AUTS2: variants seen among roughly 807,000 people sequenced by gnomAD.
The protein encoded by AUTS2 is autism susceptibility gene 2 protein.
In AUTS2, 17 loss-of-function variants were observed where a neutral mutation model predicts 112.4. That is an observed-to-expected ratio of 0.15 (90% CI 0.10 to 0.23). The LOEUF (loss-of-function observed/expected upper bound fraction) is 0.23. Among genes scored for constraint, AUTS2 ranks in the 10% least tolerant of loss-of-function variants. The probability of loss-of-function intolerance (pLI) is 1.00; values close to 1 mark genes in which losing one functional copy is unlikely to be tolerated. For synonymous variants in AUTS2, 751 were observed against 702.7 expected, an observed-to-expected ratio of 1.07 and a Z score of -1.09; for missense variants, 1,510 against 1,701.6, an observed-to-expected ratio of 0.89 and a Z score of 1.98.
intron 4 of AUTS2, among the ~76,000 whole-genome samples, chr7:70,277,113 T>C (rs958910196): frequency 2.0e-5 from 3 of 152,170 alleles, no homozygotes; most frequent in Non-Finnish European, 4.4e-5. Context: ...GTAGGTCACA[T>C]TGAAGAGTTT....
chr7:69,640,212 G>A (rs1051929736), intron 1 of AUTS2, among the ~76,000 whole-genome samples: 5 of 151,054 alleles, frequency 3.3e-5, no homozygotes, highest in African/African-American at 1.2e-4. Flanking sequence ...CTGTGATCAG[G>A]CTGCTAGCAA....
chr7:69,600,053 GCTGTCTGTCTGTCTGT>G lies in AUTS2; in HGVS notation c.309+110_309+125del, dbSNP rs113411804. ...TCCTGCCTCCCTCGCCGCGCTCCGG[GCTGTCTGTCTGTCTGT>G]CTGTCTGTCTGTCTGTCTAGGCTGA... On this transcript the variant is annotated intron_variant, in intron 1 of 18. Coordinates refer to ENST00000342771, the MANE Select transcript of AUTS2 (RefSeq NM_015570.4). 1.6e-5 allele frequency: 20 copies of G among 1,259,502 alleles called. No homozygotes were observed. The Middle Eastern group carries it at 6.3e-4, about 40-fold the overall frequency. 78.0% of individuals were successfully genotyped at this position (1,259,502 alleles called of 1,614,324 possible). A position where few individuals can be genotyped will look rare whatever the true frequency, so the allele number is the denominator to read the frequency against.
chr7:70,401,717 G>C, intron 4 of AUTS2, among the ~76,000 whole-genome samples: 1 of 152,166 alleles, frequency 6.6e-6, no homozygotes. Context: ...TCTGCTTCAA[G>C]GCCAAGGCAT....
intron 5 of AUTS2, among the ~76,000 whole-genome samples, chr7:70,671,963 G>A (rs1807667602): frequency 1.3e-5 from 2 of 152,220 alleles, no homozygotes; most frequent in Admixed American, 6.5e-5. Flanking sequence ...CCGTGGCAGT[G>A]AGAGTGGAAG....
intron 2 of AUTS2, among the ~76,000 whole-genome samples, chr7:69,925,279 G>A (rs180882679): frequency 2.5e-4 from 38 of 151,918 alleles, no homozygotes; most frequent in African/African-American, 8.4e-4. Flanking sequence ...CCTTCTTTCT[G>A]CTTACTTTAG....
rs188329295 is a variant in AUTS2, at chr7:70,545,350, C to T, written c.690+109569C>T. 3.3e-5 allele frequency among the ~76,000 whole-genome samples: 5 copies of T among 152,310 alleles called. No individual in the cohort carries two copies. The East Asian group carries it at 9.7e-4, about 29-fold the overall frequency. On this transcript the variant is annotated intron_variant, in intron 5 of 18. Coordinates refer to ENST00000342771, the MANE Select transcript of AUTS2 (RefSeq NM_015570.4). ...AAGGACAGAGGACCCTTTAGGGTTC[C>T]ATCTCTTCGGAGAGAAAGTCCCTGC...
chr7:69,624,810 A>G (rs1793865269), intron 1 of AUTS2, among the ~76,000 whole-genome samples: 1 of 152,186 alleles, frequency 6.6e-6, no homozygotes, highest in Non-Finnish European at 1.5e-5. Flanking sequence ...GTTTTGTTTC[A>G]GTACATTGAT....
At chr7:69,877,300 A>G (rs1163924468) in intron 1 of AUTS2, among the ~76,000 whole-genome samples, 1 of 152,166 alleles carries the variant, frequency 6.6e-6, no homozygotes. Context: ...CCTAGTCTAA[A>G]CCAAAAGTCT....
chr7:70,085,254 T>C (rs1394977088), intron 2 of AUTS2, among the ~76,000 whole-genome samples: 1 of 152,234 alleles, frequency 6.6e-6, no homozygotes, highest in Non-Finnish European at 1.5e-5. Flanking sequence ...TTTTCCCTTA[T>C]GCCTTGCTCT....
At chr7:70,644,427 A>T (rs1806035535) in intron 5 of AUTS2, among the ~76,000 whole-genome samples, 1 of 151,568 alleles carries the variant, frequency 6.6e-6, no homozygotes, top group African/African-American at 2.4e-5. Context: ...CACAGTCCCG[A>T]CTCTATCACT....
intron 1 of AUTS2, among the ~76,000 whole-genome samples, chr7:69,647,883 T>A (rs1227103965): frequency 6.6e-6 from 1 of 152,236 alleles, no homozygotes; most frequent in East Asian, 1.9e-4. Context: ...TTTGGCATTC[T>A]TTGGCTTGCA....
At chr7:70,739,292 A>G (rs986201561) in intron 6 of AUTS2, among the ~76,000 whole-genome samples, 1 of 150,198 alleles carries the variant, frequency 6.7e-6, no homozygotes, top group African/African-American at 2.4e-5. Flanking sequence ...TCTCCCGAGT[A>G]GCTTGGACTA....
chr7:70,734,267 G>A (rs1019999076), intron 6 of AUTS2, among the ~76,000 whole-genome samples: 6 of 151,772 alleles, frequency 4.0e-5, no homozygotes, highest in Admixed American at 6.6e-5. Flanking sequence ...GTGAAACCCC[G>A]TCTCTAGTAA....
chr7:70,417,500 G>A (rs945004639), intron 4 of AUTS2, among the ~76,000 whole-genome samples: 6 of 152,268 alleles, frequency 3.9e-5, no homozygotes, highest in East Asian at 1.9e-4. Context: ...CACACTTGTC[G>A]TCTTGCAGTG....
At chr7:69,836,094 G>T (rs917171158) in intron 1 of AUTS2, among the ~76,000 whole-genome samples, 5 of 152,196 alleles carry the variant, frequency 3.3e-5, no homozygotes, top group Non-Finnish European at 7.3e-5. Flanking sequence ...AAATGTCAAA[G>T]TGACAGATTT....
intron 5 of AUTS2, among the ~76,000 whole-genome samples, chr7:70,438,935 C>T (rs1380012045): frequency 6.6e-6 from 1 of 152,238 alleles, no homozygotes; most frequent in Non-Finnish European, 1.5e-5. Context: ...CATTCTCTTA[C>T]TCCATAGGGA....
At chr7:69,685,640 A>G (rs1308603610) in intron 1 of AUTS2, among the ~76,000 whole-genome samples, 1 of 152,206 alleles carries the variant, frequency 6.6e-6, no homozygotes, top group Non-Finnish European at 1.5e-5. Flanking sequence ...AGGTTTTACC[A>G]ACAGCATTCA....
chr7:70,181,541 G>A (rs978121447), intron 4 of AUTS2, among the ~76,000 whole-genome samples: 6 of 150,936 alleles, frequency 4.0e-5, no homozygotes, highest in African/African-American at 1.5e-4. Flanking sequence ...AGGCTGGAGT[G>A]CAGTGGCGCC....
intron 2 of AUTS2, among the ~76,000 whole-genome samples, chr7:70,081,877 TTGA>T (rs1463430762): frequency 6.6e-6 from 1 of 151,964 alleles, no homozygotes; most frequent in African/African-American, 2.4e-5. Context: ...AAAAATCCAG[TTGA>T]TGCCAGTTAA....
Sources: allele counts gnomAD v4.1 joint callset (sites outside exome capture counted in the v4.1 genomes callset), GRCh38; gene constraint gnomAD v4.1.1; transcripts MANE v1.5; gene names NCBI Gene and HGNC (gene_info 2026-07-23, HGNC 2026-07-21).